Variants in SYN3 observed in about 807,000 individuals in gnomAD.
The protein encoded by SYN3 is synapsin III.
SYN3 carries 35 observed loss-of-function variants against 65.8 expected under a neutral mutation model. That is an observed-to-expected ratio of 0.53 (90% CI 0.41 to 0.70). The LOEUF (loss-of-function observed/expected upper bound fraction) is 0.70, where lower values mean the gene tolerates loss of function less well. Ranked by LOEUF, SYN3 falls within the 30% of genes least tolerant of loss-of-function variation. The probability of loss-of-function intolerance (pLI) is 0.00; values close to 1 mark genes in which losing one functional copy is unlikely to be tolerated. For synonymous variants in SYN3, 270 were observed against 292.9 expected (o/e 0.92, Z 0.80); for missense variants, 680 against 749.0 (o/e 0.91, Z 1.08).
At chr22:32,681,357 A>C (rs2060520173) in intron 6 of SYN3, among the ~76,000 whole-genome samples, 1 of 151,570 alleles carries the variant, frequency 6.6e-6, no homozygotes, top group East Asian at 1.9e-4. Context: ...GTATAGAGGA[A>C]TGGTTCTCAA....
chr22:33,048,981 A>G (rs2054115446), intron 1 of SYN3, among the ~76,000 whole-genome samples: 1 of 152,070 alleles, frequency 6.6e-6, no homozygotes, highest in African/African-American at 2.4e-5. Context: ...TTCTTTTTCT[A>G]CTTCTTTTGC....
At chr22:32,606,103 C>T (rs2059368270) in intron 6 of SYN3, among the ~76,000 whole-genome samples, 4 of 152,222 alleles carry the variant, frequency 2.6e-5, no homozygotes, top group African/African-American at 9.7e-5. Flanking sequence ...GGACGGCAGT[C>T]TGCCCTTGCT....
chr22:32,930,732 C>T (rs1345181844), intron 4 of SYN3, among the ~76,000 whole-genome samples: 3 of 152,138 alleles, frequency 2.0e-5, no homozygotes, highest in East Asian at 3.9e-4. Flanking sequence ...TAGTGTGTAT[C>T]GTTCTCTGGG....
rs79571472 is a variant in SYN3, at chr22:32,665,491, A to G, written c.712-68755T>C. Among the ~76,000 whole-genome samples, 632 of 67,968 alleles carry G rather than the reference A, an allele frequency of 9.3e-3. 2 individuals carry two copies. The highest frequency in any genetic ancestry group is 0.043 in the Middle Eastern group (4 of 94). 44.6% of individuals were successfully genotyped at this position (67,968 alleles called of 152,430 possible). On this transcript the variant is annotated intron_variant, in intron 6 of 13. Coordinates refer to ENST00000358763, the MANE Select transcript of SYN3 (RefSeq NM_003490.4). ...CTGAGTAGTATGCCACAGTGTGTGTATATATATATATATATATATGTCTCA... is the reference window on the plus strand; with the variant it reads ...CTGAGTAGTATGCCACAGTGTGTGTGTATATATATATATATATATGTCTCA...
chr22:32,884,194 A>G (rs1195938176), intron 4 of SYN3, among the ~76,000 whole-genome samples: 1 of 152,220 alleles, frequency 6.6e-6, no homozygotes, highest in Non-Finnish European at 1.5e-5. Context: ...AATTTCTAAA[A>G]CTGCTGGAGC....
chr22:32,881,533 C>T (rs1361464765), intron 4 of SYN3, among the ~76,000 whole-genome samples: 2 of 152,160 alleles, frequency 1.3e-5, no homozygotes, highest in African/African-American at 4.8e-5. Context: ...GCTAAACGCT[C>T]CTGCCTGGGC....
intron 1 of SYN3, among the ~76,000 whole-genome samples, chr22:33,008,816 T>C (rs1461447853): frequency 6.7e-6 from 1 of 150,188 alleles, no homozygotes; most frequent in Non-Finnish European, 1.5e-5. Flanking sequence ...GCCCAGCTAC[T>C]GGGGAGGCTG....
chr22:32,692,155 C>CAAAAAAA (rs1188224009), intron 6 of SYN3, among the ~76,000 whole-genome samples: 168 of 34,230 alleles, frequency 4.9e-3, no homozygotes, highest in East Asian at 6.6e-3. Context: ...GACAAAAAGA[C>CAAAAAAA]AAAAAAAAAA....
intron 1 of SYN3, among the ~76,000 whole-genome samples, chr22:33,015,840 C>CTTTTT (rs758927603): frequency 7.1e-5 from 10 of 139,972 alleles, no homozygotes; most frequent in South Asian, 2.2e-4. Flanking sequence ...GGCAAATTTT[C>CTTTTT]TTTTCTTTTT....
intron 6 of SYN3, among the ~76,000 whole-genome samples, chr22:32,619,466 G>C (rs1372817597): frequency 6.6e-6 from 1 of 152,176 alleles, no homozygotes; most frequent in Non-Finnish European, 1.5e-5. Flanking sequence ...GTGCTAGAGT[G>C]ATGTGGAGGA....
chr22:32,617,412 G>T lies in SYN3; in HGVS notation c.712-20676C>A, dbSNP rs55989385. 3.2e-3 allele frequency among the ~76,000 whole-genome samples: 493 copies of T among 152,136 alleles called. 3 individuals are homozygous for T. Among genetic ancestry groups the T allele is most frequent in the Middle Eastern group, 0.01 (3 of 294 alleles). ...AACTGGGCAATGGGAATACGGAGGC[G>T]CCTCACATCACTGACTCTGCATTTG... On this transcript the variant is annotated intron_variant, in intron 6 of 13. Transcript: ENST00000358763.
At chr22:32,643,654 C>A (rs915125311) in intron 6 of SYN3, among the ~76,000 whole-genome samples, 2 of 148,890 alleles carry the variant, frequency 1.3e-5, no homozygotes, top group Admixed American at 6.8e-5. Context: ...ACCCCATGTT[C>A]AAATCTCAAT....
chr22:32,954,855 TC>T (rs1340035360), intron 3 of SYN3, among the ~76,000 whole-genome samples: 1 of 151,846 alleles, frequency 6.6e-6, no homozygotes, highest in Non-Finnish European at 1.5e-5. Context: ...TTTTTTTTTT[TC>T]CAAATGGAAA....
chr22:32,874,039 C>T (rs2048920263), intron 4 of SYN3, among the ~76,000 whole-genome samples: 1 of 152,112 alleles, frequency 6.6e-6, no homozygotes, highest in African/African-American at 2.4e-5. Context: ...AAGGCTAGGG[C>T]ACAAGAATTG....
chr22:32,821,431 A>G (rs2047243475), intron 6 of SYN3, among the ~76,000 whole-genome samples: 1 of 152,204 alleles, frequency 6.6e-6, no homozygotes, highest in Non-Finnish European at 1.5e-5. Context: ...TCAGAAGTCA[A>G]AGAAGGTGGG....
chr22:32,567,339 TCCC>T (rs2058686059), intron 7 of SYN3, among the ~76,000 whole-genome samples: 1 of 52,484 alleles, frequency 1.9e-5, no homozygotes. Context: ...CCTCCCTCCC[TCCC>T]TCCCTCCCTC....
At position 32,599,398 on chromosome 22, in the gene SYN3, T is replaced by A. The variant is rs142896923; in HGVS notation, c.712-2662A>T. Among the ~76,000 whole-genome samples the A allele has an allele frequency of 7.5e-3, 1,135 of 151,804 alleles. 13 individuals are homozygous for A. The highest frequency in any genetic ancestry group is 0.025 in the African/African-American group (1,054 of 41,384). On this transcript the variant is annotated intron_variant, in intron 6 of 13. Coordinates refer to ENST00000358763, the MANE Select transcript of SYN3 (RefSeq NM_003490.4). ...GTGCAGTGGTGCGATCTCGGCTCAGTGCAAGCTCCGCCTCCCGGGTTCACA... is the reference window on the plus strand; with the variant it reads ...GTGCAGTGGTGCGATCTCGGCTCAGAGCAAGCTCCGCCTCCCGGGTTCACA...
chr22:32,893,868 G>A (rs1244248354), intron 4 of SYN3, among the ~76,000 whole-genome samples: 2 of 152,036 alleles, frequency 1.3e-5, no homozygotes, highest in Non-Finnish European at 2.9e-5. Context: ...CCTCTCTCAT[G>A]GCCCTCAGTC....
intron 6 of SYN3, among the ~76,000 whole-genome samples, chr22:32,623,629 G>T (rs1401402973): frequency 6.6e-6 from 1 of 152,200 alleles, no homozygotes; most frequent in East Asian, 1.9e-4. Context: ...CTGGAATCCA[G>T]ACGTGCCACT....
Sources: gnomAD v4.1 joint callset for allele counts (sites outside exome capture counted in the v4.1 genomes callset) on GRCh38, gnomAD v4.1.1 for gene constraint, MANE v1.5 for transcripts, NCBI Gene and HGNC (gene_info 2026-07-23, HGNC 2026-07-21) for gene names.